Variants in SNX16 observed in about 807,000 individuals in gnomAD.
The protein encoded by SNX16 is sorting nexin-16.
SNX16 carries 35 observed loss-of-function variants against 36.7 expected under a neutral mutation model. The ratio of observed to expected loss-of-function variants is 0.95; its 90% CI spans 0.73 to 1.27. The LOEUF (loss-of-function observed/expected upper bound fraction) is 1.27, where lower values mean the gene tolerates loss of function less well. Ranked by LOEUF, SNX16 falls within the 50% of genes most tolerant of loss-of-function variation. The probability of loss-of-function intolerance (pLI) is 0.00; values close to 1 mark genes in which losing one functional copy is unlikely to be tolerated. For missense variants in SNX16, 367 were observed against 393.6 expected (o/e 0.93, Z 0.57); for synonymous variants, 134 against 132.0 (o/e 1.02, Z -0.10).
At chr8:81,838,172 C>T (rs1811576231) in intron 2 of SNX16, among the ~76,000 whole-genome samples, 2 of 152,108 alleles carry the variant, frequency 1.3e-5, no homozygotes, top group Non-Finnish European at 2.9e-5. Context: ...TGAAATAAAT[C>T]TAACCAACAG....
intron 2 of SNX16, among the ~76,000 whole-genome samples, chr8:81,831,060 A>C (rs1007129520): frequency 2.6e-5 from 4 of 152,218 alleles, no homozygotes; most frequent in Admixed American, 6.5e-5. Context: ...CTGGCTAGCT[A>C]TATGCAGAAA....
At chr8:81,818,702 T>C (rs1206964403) in intron 4 of SNX16, among the ~76,000 whole-genome samples, 1 of 152,150 alleles carries the variant, frequency 6.6e-6, no homozygotes. Flanking sequence ...TTTTATATGT[T>C]AGCCTTGCTA....
chr8:81,805,829 G>A (rs1416989466), intron 5 of SNX16, among the ~76,000 whole-genome samples: 1 of 152,126 alleles, frequency 6.6e-6, no homozygotes, highest in Admixed American at 6.5e-5. Flanking sequence ...GCTGAGGCAG[G>A]AGAATGGCGT....
In SNX16 at chr8:81,815,142, G is replaced by C. The variant is rs57725537; in HGVS notation, c.681+183C>G. ...ATATATGAATTTTTACTTTTTCACT[G>C]AGCTAAGTCTATGTATTTCACTGAA... On this transcript the variant is annotated intron_variant, in intron 5 of 7. Coordinates refer to ENST00000345957, the MANE Select transcript of SNX16 (RefSeq NM_152836.3). 390 of 376,210 alleles carry C rather than the reference G, an allele frequency of 1.0e-3. 1 individual carries two copies. The highest frequency in any genetic ancestry group is 7.2e-3 in the African/African-American group (351 of 48,988). 23.3% of individuals were successfully genotyped at this position (376,210 alleles called of 1,614,324 possible). A position where few individuals can be genotyped will look rare whatever the true frequency, so the allele number is the denominator to read the frequency against.
intron 5 of SNX16, among the ~76,000 whole-genome samples, chr8:81,813,462 T>C (rs1161892368): frequency 1.3e-5 from 2 of 151,714 alleles, no homozygotes; most frequent in African/African-American, 4.8e-5. Context: ...TAAACCTAAC[T>C]GTAAGAGCTA....
At chr8:81,815,770 T>G (rs897257374) in intron 4 of SNX16, 8 of 163,964 alleles carry the variant, frequency 4.9e-5, no homozygotes, top group African/African-American at 1.9e-4. Flanking sequence ...ATACCTCACT[T>G]GTTTTTGTTT....
intron 5 of SNX16, among the ~76,000 whole-genome samples, chr8:81,809,244 T>C (rs879938411): frequency 6.6e-6 from 1 of 152,154 alleles, no homozygotes; most frequent in Non-Finnish European, 1.5e-5. Context: ...TGATAGTTAC[T>C]GTTGTGACCT....
rs1491139603 is a variant in SNX16 at position 81,801,613 on chromosome 8, A to AAAG, written c.939-21_939-20insCTT. The AAAG allele has an allele frequency of 1.6e-5, 22 of 1,344,014 alleles. No individual in the cohort carries two copies. The East Asian group carries it at 4.9e-4, about 30-fold the overall frequency. The allele number at this position is 1,344,014 out of a possible 1,614,324, so 83.3% of individuals were successfully genotyped here. ...TCAGCTCTGCAAAAAAAAAAAAAAAAGGAACATATCAATGATGGGACTGGA... is the reference window on the plus strand; with the variant it reads ...TCAGCTCTGCAAAAAAAAAAAAAAAAAAGGGAACATATCAATGATGGGACTGGA... On this transcript the variant is annotated intron_variant, in intron 7 of 7. Transcript: ENST00000345957.
intron 3 of SNX16, among the ~76,000 whole-genome samples, chr8:81,826,911 C>A (rs1811045493): frequency 6.6e-6 from 1 of 152,114 alleles, no homozygotes; most frequent in African/African-American, 2.4e-5. Flanking sequence ...CAATGCTGAA[C>A]TCTATCTACT....
intron 5 of SNX16, among the ~76,000 whole-genome samples, chr8:81,803,644 C>A (rs1809806832): frequency 6.6e-6 from 1 of 151,946 alleles, no homozygotes; most frequent in South Asian, 2.1e-4. Flanking sequence ...TGTATTAGCT[C>A]AGTAGACATA....
intron 3 of SNX16, among the ~76,000 whole-genome samples, chr8:81,826,682 A>C (rs1811035420): frequency 6.6e-6 from 1 of 152,194 alleles, no homozygotes; most frequent in African/African-American, 2.4e-5. Context: ...TTGAAGTCAG[A>C]CCATAACCCA....
chr8:81,832,753 T>C (rs1811324590), intron 2 of SNX16, among the ~76,000 whole-genome samples: 2 of 151,576 alleles, frequency 1.3e-5, no homozygotes, highest in South Asian at 4.2e-4. Context: ...TTAGAATGTA[T>C]TAAGAGAAAG....
Position 81,839,950 on chromosome 8 carries a change from C to T in SNX16, c.37G>A (p.Gly13Arg), listed in dbSNP as rs1273088154. Residue 13 changes from glycine (G) to arginine (R), a missense_variant, in exon 2 of 8, where the codon GGA becomes AGA. Physicochemically the swap from Gly to Arg is moderately radical, Grantham distance 125 (BLOSUM62 -2). Coordinates refer to ENST00000345957, the MANE Select transcript of SNX16 (RefSeq NM_152836.3). ...GTTGTAAAACTGGAAGCAGAGTTTC[C>T]TATGGGCATAGGAACTGGGACATAA... is the stretch of plus-strand genomic sequence containing the variant. ...TPYVPVPMPI[G>R]NSASSFTTNR... 6.2e-7 allele frequency: 1 copy of T among 1,613,656 alleles called. No homozygotes were observed. Among genetic ancestry groups the T allele is most frequent in the East Asian group, 2.2e-5 (1 of 44,850 alleles).
chr8:81,821,534 C>G (rs369063401), intron 4 of SNX16, among the ~76,000 whole-genome samples: 6 of 151,794 alleles, frequency 4.0e-5, no homozygotes, highest in Admixed American at 6.6e-5. Context: ...AAGGCTTTCT[C>G]TATAATTTTG....
intron 3 of SNX16, among the ~76,000 whole-genome samples, chr8:81,827,142 A>G (rs1278706633): frequency 6.6e-6 from 1 of 152,174 alleles, no homozygotes; most frequent in East Asian, 1.9e-4. Context: ...CCCATCTTGG[A>G]GGATCAAGGA....
chr8:81,808,508 A>C, intron 5 of SNX16: 1 of 970,462 alleles, frequency 1.0e-6, no homozygotes, highest in Non-Finnish European at 1.6e-6. Flanking sequence ...GCTATAAGGG[A>C]TTTGGTAATG....
At chr8:81,839,078 A>G (rs1039123392) in intron 2 of SNX16, among the ~76,000 whole-genome samples, 8 of 152,168 alleles carry the variant, frequency 5.3e-5, no homozygotes, top group Admixed American at 2.6e-4. Flanking sequence ...AGCTGAAATG[A>G]TAAAAATGTT....
chr8:81,804,383 T>G (rs557555349), intron 5 of SNX16, among the ~76,000 whole-genome samples: 1 of 152,162 alleles, frequency 6.6e-6, no homozygotes, highest in East Asian at 1.9e-4. Flanking sequence ...AAACATTGAC[T>G]GTGTGAAATA....
intron 1 of SNX16, among the ~76,000 whole-genome samples, chr8:81,841,460 TCC>T (rs747767328): frequency 2.0e-5 from 3 of 151,562 alleles, no homozygotes; most frequent in Non-Finnish European, 4.4e-5. Context: ...CCTGACGGCC[TCC>T]CCAAAAACAA....
Sources: gnomAD v4.1 joint callset for allele counts (sites outside exome capture counted in the v4.1 genomes callset) on GRCh38, gnomAD v4.1.1 for gene constraint, MANE v1.5 for transcripts, NCBI Gene and HGNC (gene_info 2026-07-23, HGNC 2026-07-21) for gene names.